The following TBC1D14 variants were observed in gnomAD, a reference collection of about 807,000 sequenced individuals.
TBC1D14 encodes the protein TBC1 domain family member 14.
Under a neutral mutation model 79.0 loss-of-function variants are expected in TBC1D14, and 26 were observed. The observed-to-expected ratio is 0.33, with a 90% CI of 0.24 to 0.46. TBC1D14 has a LOEUF of 0.46. Ranked by LOEUF, TBC1D14 falls within the 20% of genes least tolerant of loss-of-function variation. The pLI is 1.00. For synonymous variants in TBC1D14, 394 were observed against 349.9 expected (o/e 1.13, Z -1.40); for missense variants, 769 against 887.6 (o/e 0.87, Z 1.70).
chr4:6,998,570 G>C (rs1028595983), intron 5 of TBC1D14, among the ~76,000 whole-genome samples: 1 of 146,184 alleles, frequency 6.8e-6, no homozygotes, highest in Non-Finnish European at 1.5e-5. Context: ...GTGTAGTCTC[G>C]CTCTGTTGCC....
At chr4:6,914,769 A>G (rs1447304791) in intron 1 of TBC1D14, among the ~76,000 whole-genome samples, 2 of 152,198 alleles carry the variant, frequency 1.3e-5, no homozygotes, top group Admixed American at 6.5e-5. Context: ...GCTGGGCTCA[A>G]TGGCTCACAT....
chr4:6,917,111 C>A (rs1464250753), intron 1 of TBC1D14, among the ~76,000 whole-genome samples: 1 of 152,246 alleles, frequency 6.6e-6, no homozygotes, highest in East Asian at 1.9e-4. Flanking sequence ...TAGGGGATTT[C>A]TTCCTCGTAG....
At chr4:6,953,259 G>A (rs1382684072) in intron 2 of TBC1D14, among the ~76,000 whole-genome samples, 2 of 145,912 alleles carry the variant, frequency 1.4e-5, no homozygotes, top group East Asian at 2.1e-4. Context: ...TCCTGACCTC[G>A]TGTTCCACCC....
At chr4:7,022,814 C>T (rs1721959863) in intron 12 of TBC1D14, among the ~76,000 whole-genome samples, 1 of 151,672 alleles carries the variant, frequency 6.6e-6, no homozygotes, top group African/African-American at 2.4e-5. Flanking sequence ...TAAATCTCAG[C>T]TTAAGAATAT....
chr4:6,967,542 A>G (rs1444218313), intron 3 of TBC1D14, 118 bp downstream of exon 3: 1 of 1,303,390 alleles, frequency 7.7e-7, no homozygotes, highest in African/African-American at 1.5e-5. Flanking sequence ...TATTATCTGC[A>G]TACCACGTTC....
intron 2 of TBC1D14, among the ~76,000 whole-genome samples, chr4:6,942,980 G>A (rs182230549): frequency 3.3e-5 from 5 of 152,264 alleles, no homozygotes; most frequent in East Asian, 1.9e-4. Flanking sequence ...ATGAATGTTC[G>A]CTGCTGTAAC....
At chr4:6,969,568 GCTAA>G (rs1255352008) in intron 3 of TBC1D14, among the ~76,000 whole-genome samples, 3 of 152,048 alleles carry the variant, frequency 2.0e-5, no homozygotes, top group African/African-American at 7.2e-5. Context: ...ACCGCGCCTG[GCTAA>G]CTTTTTGTAT....
At chr4:6,934,957 AT>A (rs1395955205) in intron 2 of TBC1D14, among the ~76,000 whole-genome samples, 1 of 151,938 alleles carries the variant, frequency 6.6e-6, no homozygotes. Flanking sequence ...GTGTGCACCT[AT>A]AATCCCAGCT....
intron 12 of TBC1D14, among the ~76,000 whole-genome samples, chr4:7,023,803 G>A: frequency 6.6e-6 from 1 of 152,204 alleles, no homozygotes; most frequent in Non-Finnish European, 1.5e-5. Flanking sequence ...TGATGCATGG[G>A]GTGTCCTTCC....
chr4:7,016,299 C>A (rs1721272712), intron 12 of TBC1D14, among the ~76,000 whole-genome samples: 1 of 152,210 alleles, frequency 6.6e-6, no homozygotes, highest in African/African-American at 2.4e-5. Context: ...CCTGGCTATA[C>A]TGGGTAGAAG....
At chr4:7,015,732 C>T (rs1448633033) in intron 12 of TBC1D14, among the ~76,000 whole-genome samples, 4 of 152,134 alleles carry the variant, frequency 2.6e-5, no homozygotes, top group Non-Finnish European at 5.9e-5. Flanking sequence ...CCAGCCCAAA[C>T]CCAGCTTCTC....
At chr4:7,016,707 A>G (rs180956412) in intron 12 of TBC1D14, among the ~76,000 whole-genome samples, 1 of 152,358 alleles carries the variant, frequency 6.6e-6, no homozygotes, top group Admixed American at 6.5e-5. Context: ...CATGTGAAGC[A>G]TTCTGAAATA....
At position 7,029,271 on chromosome 4, in the gene TBC1D14, A is replaced by T. The variant is rs144829135; in HGVS notation, c.2017-1056A>T. On this transcript the variant is annotated intron_variant, in intron 13 of 13. Coordinates refer to ENST00000409757, the MANE Select transcript of TBC1D14 (RefSeq NM_020773.3). Reference sequence around the variant, plus strand: ...TGAAACCAAAATGCTTTTACTTTTAAATTTGTGACTCAAAGTGGCATGGTT... The same window carrying T: ...TGAAACCAAAATGCTTTTACTTTTATATTTGTGACTCAAAGTGGCATGGTT... Among the ~76,000 whole-genome samples, 6 of 152,352 alleles carry T rather than the reference A, an allele frequency of 3.9e-5. No individual in the cohort carries two copies. The East Asian group carries it at 1.2e-3, about 29-fold the overall frequency.
intron 2 of TBC1D14, among the ~76,000 whole-genome samples, chr4:6,955,121 G>A (rs145822055): frequency 0.014 from 2,135 of 152,342 alleles, 25 homozygotes; most frequent in Non-Finnish European, 0.021. Flanking sequence ...TCTGAAGGAG[G>A]CTGCATTGTT....
intron 2 of TBC1D14, among the ~76,000 whole-genome samples, chr4:6,941,121 G>A (rs1184901004): frequency 6.6e-6 from 1 of 150,382 alleles, no homozygotes; most frequent in Non-Finnish European, 1.5e-5. Flanking sequence ...ACCTGGGTTT[G>A]ATGGTCCATT....
At chr4:6,993,415 C>T (rs542382403) in intron 3 of TBC1D14, among the ~76,000 whole-genome samples, 6 of 152,288 alleles carry the variant, frequency 3.9e-5, no homozygotes, top group Non-Finnish European at 7.4e-5. Flanking sequence ...TTGCAGTGCA[C>T]GGGTGAATCG....
At chr4:6,934,872 G>A (rs1378544345) in intron 2 of TBC1D14, among the ~76,000 whole-genome samples, 2 of 152,068 alleles carry the variant, frequency 1.3e-5, no homozygotes, top group Non-Finnish European at 2.9e-5. Flanking sequence ...TAAACTGGGA[G>A]CTTGAGATTG....
intron 12 of TBC1D14, among the ~76,000 whole-genome samples, chr4:7,021,695 T>C (rs571488340): frequency 6.6e-6 from 1 of 152,350 alleles, no homozygotes; most frequent in Non-Finnish European, 1.5e-5. Flanking sequence ...ATACTTTTAT[T>C]TATTACTTTT....
chr4:6,954,212 G>C, intron 2 of TBC1D14: 1 of 707,466 alleles, frequency 1.4e-6, no homozygotes, highest in Non-Finnish European at 2.6e-6. Flanking sequence ...GTTTCCCCGG[G>C]ACTGTGGCTC....
Sources: gnomAD v4.1 joint callset for allele counts (sites outside exome capture counted in the v4.1 genomes callset) on GRCh38, gnomAD v4.1.1 for gene constraint, MANE v1.5 for transcripts, NCBI Gene and HGNC (gene_info 2026-07-23, HGNC 2026-07-21) for gene names.